HS3ST5: variants seen among roughly 807,000 people sequenced by gnomAD.
HS3ST5 encodes heparan sulfate-glucosamine 3-sulfotransferase 5.
Under a neutral mutation model 25.4 loss-of-function variants are expected in HS3ST5, and 10 were observed. The observed-to-expected ratio is 0.39, with a 90% confidence interval of 0.24 to 0.67. The LOEUF (loss-of-function observed/expected upper bound fraction) is 0.67. HS3ST5 is among the 30% of genes least tolerant of loss of function. HS3ST5 has a pLI of 0.44. For missense variants in HS3ST5, 324 were observed against 420.7 expected (o/e 0.77, Z 2.01); for synonymous variants, 170 against 162.4 (o/e 1.05, Z -0.36).
chr6:114,287,758 C>G (rs554536542), intron 1 of HS3ST5, among the ~76,000 whole-genome samples: 1 of 151,942 alleles, frequency 6.6e-6, no homozygotes, highest in Non-Finnish European at 1.5e-5. Context: ...GTTACCATAG[C>G]AGAACCGACC....
At chr6:114,078,608 T>C (rs1382223194) in intron 3 of HS3ST5, among the ~76,000 whole-genome samples, 1 of 152,200 alleles carries the variant, frequency 6.6e-6, no homozygotes, top group African/African-American at 2.4e-5. Context: ...AGACACAAGA[T>C]ATTTTATTCT....
intron 1 of HS3ST5, among the ~76,000 whole-genome samples, chr6:114,292,858 C>T (rs1194540989): frequency 2.0e-5 from 3 of 152,102 alleles, no homozygotes; most frequent in African/African-American, 7.2e-5. Context: ...TAAGACCCAA[C>T]ATAATGTAAA....
intron 1 of HS3ST5, among the ~76,000 whole-genome samples, chr6:114,234,249 G>T (rs1771749961): frequency 6.6e-6 from 1 of 151,488 alleles, no homozygotes; most frequent in Non-Finnish European, 1.5e-5. Flanking sequence ...CTGTTATTCA[G>T]TTATAAATAC....
rs1198555701 is a variant in HS3ST5 at position 114,275,359 on chromosome 6, CCAAG to C, written c.-338-46585_-338-46582del. 5.3e-5 allele frequency among the ~76,000 whole-genome samples: 8 copies of C among 152,116 alleles called. No homozygotes were observed. In the East Asian group the frequency reaches 1.6e-3, roughly 30 times the overall value. ...TAGTAGCTAACATTGTCCCTTTGTG[CCAAG>C]CATTCTCTTTAGTGCTTCACACAGT... On this transcript the variant is annotated intron_variant, in intron 1 of 4. Coordinates refer to ENST00000312719, the MANE Select transcript of HS3ST5 (RefSeq NM_153612.4).
rs1167951899 is a variant in HS3ST5, at chr6:114,213,272, C to G, written c.-145+15313G>C. ...CTCTCCTCTCCTTTCCTCTCCTCTCCTCTTCTCTCCTTCTTTGCTGCTCTG... is the reference window on the plus strand; with the variant it reads ...CTCTCCTCTCCTTTCCTCTCCTCTCGTCTTCTCTCCTTCTTTGCTGCTCTG... On this transcript the variant is annotated intron_variant, in intron 2 of 4. Coordinates refer to ENST00000312719, the MANE Select transcript of HS3ST5 (RefSeq NM_153612.4). 1.2e-4 allele frequency among the ~76,000 whole-genome samples: 17 copies of G among 141,760 alleles called. No individual in the cohort carries two copies. The East Asian group carries it at 3.5e-3, about 30-fold the overall frequency. The allele number at this position is 141,760 out of a possible 152,430, so 93.0% of individuals were successfully genotyped here. A position where few individuals can be genotyped will look rare whatever the true frequency, so the allele number is the denominator to read the frequency against.
At chr6:114,251,377 C>T (rs1772651174) in intron 1 of HS3ST5, 1 of 152,182 alleles carries the variant, frequency 6.6e-6, no homozygotes, top group Non-Finnish European at 1.5e-5. Context: ...CACTAGAGAA[C>T]ATCTAGGGCT....
intron 2 of HS3ST5, among the ~76,000 whole-genome samples, chr6:114,223,839 A>G (rs1004273460): frequency 4.6e-5 from 7 of 151,898 alleles, no homozygotes; most frequent in Admixed American, 2.6e-4. Flanking sequence ...ATAAATTTCA[A>G]TATAAATATT....
At chr6:114,296,984 C>T (rs992123693) in intron 1 of HS3ST5, among the ~76,000 whole-genome samples, 1 of 152,098 alleles carries the variant, frequency 6.6e-6, no homozygotes, top group African/African-American at 2.4e-5. Flanking sequence ...TGGGAGTACA[C>T]GCTTCTCTGT....
intron 1 of HS3ST5, among the ~76,000 whole-genome samples, chr6:114,287,847 A>G (rs1774404520): frequency 6.6e-6 from 1 of 152,016 alleles, no homozygotes; most frequent in South Asian, 2.1e-4. Context: ...AAAATCCCCC[A>G]TAAAGTGCCT....
At chr6:114,312,070 C>G (rs1441019867) in intron 1 of HS3ST5, among the ~76,000 whole-genome samples, 14 of 152,146 alleles carry the variant, frequency 9.2e-5, no homozygotes, top group Admixed American at 9.2e-4. Flanking sequence ...CTTTTCTTTC[C>G]TCTAGCTGAA....
intron 3 of HS3ST5, among the ~76,000 whole-genome samples, chr6:114,120,917 A>G (rs1234417333): frequency 6.6e-6 from 1 of 152,212 alleles, no homozygotes; most frequent in Non-Finnish European, 1.5e-5. Flanking sequence ...AGTCCCAGTA[A>G]TGTACACCTA....
intron 1 of HS3ST5, among the ~76,000 whole-genome samples, chr6:114,241,154 T>TTA (rs1491320911): frequency 6.9e-6 from 1 of 145,124 alleles, no homozygotes; most frequent in Non-Finnish European, 1.5e-5. Context: ...TTTTTTTTTT[T>TTA]ACTATAATAC....
intron 3 of HS3ST5, among the ~76,000 whole-genome samples, chr6:114,149,038 C>T (rs945548670): frequency 2.6e-5 from 4 of 152,168 alleles, no homozygotes; most frequent in Admixed American, 2.0e-4. Flanking sequence ...GAGATACCAT[C>T]TCACACCAGT....
intron 3 of HS3ST5, among the ~76,000 whole-genome samples, chr6:114,167,912 G>A (rs1180306363): frequency 1.3e-5 from 2 of 152,096 alleles, no homozygotes; most frequent in South Asian, 2.1e-4. Context: ...TTTGGCGTTC[G>A]AGAGTAAACA....
intron 3 of HS3ST5, among the ~76,000 whole-genome samples, chr6:114,065,753 T>C (rs1331934763): frequency 6.6e-6 from 1 of 152,082 alleles, no homozygotes; most frequent in Non-Finnish European, 1.5e-5. Context: ...AGGGAATGGA[T>C]GGGAAAAATA....
chr6:114,255,688 G>A (rs1277112237), intron 1 of HS3ST5, among the ~76,000 whole-genome samples: 1 of 152,166 alleles, frequency 6.6e-6, no homozygotes, highest in Admixed American at 6.5e-5. Flanking sequence ...TGTACATGCA[G>A]GCCCAACACC....
chr6:114,162,742 C>G (rs573854141), intron 3 of HS3ST5, among the ~76,000 whole-genome samples: 2 of 152,178 alleles, frequency 1.3e-5, no homozygotes, highest in African/African-American at 4.8e-5. Context: ...CATGCACCTG[C>G]CTGACCAGTG....
intron 1 of HS3ST5, among the ~76,000 whole-genome samples, chr6:114,319,917 C>CCT: frequency 6.6e-6 from 1 of 151,926 alleles, no homozygotes; most frequent in Non-Finnish European, 1.5e-5. Context: ...AGCCTCATTG[C>CCT]CTCTCTCATC....
chr6:114,222,040 C>T (rs1782068063), intron 2 of HS3ST5, among the ~76,000 whole-genome samples: 1 of 151,870 alleles, frequency 6.6e-6, no homozygotes, highest in Admixed American at 6.6e-5. Flanking sequence ...GCGCAACACT[C>T]ATTTAATAAA....
Sources: allele counts gnomAD v4.1 joint callset (sites outside exome capture counted in the v4.1 genomes callset), GRCh38; gene constraint gnomAD v4.1.1; transcripts MANE v1.5; gene names NCBI Gene and HGNC (gene_info 2026-07-23, HGNC 2026-07-21).